DAG1: variants seen among roughly 807,000 people sequenced by gnomAD.
The protein encoded by DAG1 is dystroglycan 1 (dystrophin-associated glycoprotein 1).
A neutral mutation model predicts 46.1 loss-of-function variants in DAG1; 8 were observed. The observed-to-expected ratio is 0.17, with a 90% CI of 0.10 to 0.31. The LOEUF (loss-of-function observed/expected upper bound fraction) is 0.31. Ranked by LOEUF, DAG1 falls within the 10% of genes least tolerant of loss-of-function variation. The pLI is 1.00. For missense variants in DAG1, 1,003 were observed against 1,189.9 expected, an observed-to-expected ratio of 0.84 and a Z score of 2.31; for synonymous variants, 495 against 481.8, an observed-to-expected ratio of 1.03 and a Z score of -0.36.
chr3:49,524,998 T>G (rs2107815122), intron 2 of DAG1, among the ~76,000 whole-genome samples: 1 of 151,940 alleles, frequency 6.6e-6, no homozygotes, highest in East Asian at 1.9e-4. Context: ...TATATGTATA[T>G]AAAGAATCAT....
chr3:49,484,482 T>G (rs1010755930), intron 1 of DAG1, among the ~76,000 whole-genome samples: 1 of 152,126 alleles, frequency 6.6e-6, no homozygotes, highest in African/African-American at 2.4e-5. Flanking sequence ...ATGGTACCTC[T>G]GTTATTTTGG....
chr3:49,532,453 C>G lies in DAG1; in HGVS notation c.1942C>G (p.Gln648Glu), dbSNP rs1467658762. ...CCGAAACTGTAGCACCATCACCCTG[C>G]AGAATATCACCCGGGGCTCCATCGT... is the stretch of plus-strand genomic sequence containing the variant. ...GDRNCSTITL[Q>E]NITRGSIVVE... Residue 648 changes from glutamine (Q) to glutamate (E), a missense_variant, in exon 3 of 3, where the codon CAG becomes GAG. This residue lies in a region of DAG1 where 755 missense variants were observed against 854.1 expected (regional missense o/e 0.88). Transcript: ENST00000308775. This position sits in a 1 kb window ranked among gnomAD's most constrained non-coding sequence, Gnocchi z 5.4. 6.2e-7 allele frequency: 1 copy of G among 1,614,240 alleles called. No homozygotes were observed. The highest frequency in any genetic ancestry group is 1.1e-5 in the South Asian group (1 of 91,090).
At chr3:49,524,343 G>A (rs1413927253) in intron 2 of DAG1, among the ~76,000 whole-genome samples, 6 of 152,152 alleles carry the variant, frequency 3.9e-5, no homozygotes, top group African/African-American at 7.2e-5. Flanking sequence ...GGTTCCTTGT[G>A]GAAATTAGGT....
At position 49,527,414 on chromosome 3, in the gene DAG1, C is replaced by T. The variant is rs1334271251; in HGVS notation, c.286-3383C>T. Among the ~76,000 whole-genome samples, 5 of 150,954 alleles carry T rather than the reference C, an allele frequency of 3.3e-5. No individual in the cohort carries two copies. The East Asian group carries it at 6.0e-4, about 18-fold the overall frequency. On this transcript the variant is annotated intron_variant, in intron 2 of 2. Coordinates refer to ENST00000308775, the MANE Select transcript of DAG1 (RefSeq NM_004393.6). ...TGGCGGGCGCCTGTAGTCCCAGCTA[C>T]AGGAGAATGAGGCAGGAGAATGGCA...
chr3:49,532,258 G>A lies in DAG1; in HGVS notation c.1747G>A (p.Gly583Arg), dbSNP rs781334046. The change falls in exon 3 of 3, where the codon GGG becomes AGG. Residue 583 changes from glycine to arginine, a missense_variant. This residue lies in a region of DAG1 where 755 missense variants were observed against 854.1 expected (regional missense o/e 0.88). Transcript: ENST00000308775. This position sits in a 1 kb window ranked among gnomAD's most constrained non-coding sequence, Gnocchi z 5.4. The part of the protein sequence containing the change: ...HEYFMHATDK[G>R]GLSAVDAFEI... ...GTATTTCATGCATGCCACAGACAAG[G>A]GGGGCCTGTCGGCTGTGGATGCCTT... is the stretch of plus-strand genomic sequence containing the variant. 1.1e-5 allele frequency: 18 copies of A among 1,613,884 alleles called. No individual in the cohort carries two copies. In the East Asian group the frequency reaches 2.2e-4, roughly 20 times the overall value.
intron 1 of DAG1, chr3:49,487,206 G>A (rs189175138): frequency 4.6e-5 from 7 of 152,394 alleles, no homozygotes; most frequent in African/African-American, 1.7e-4. Flanking sequence ...TTTAATTATT[G>A]AGAATTTTGT....
chr3:49,530,767 A>G (rs1479954043), intron 2 of DAG1, 30 bp from the exon 3 acceptor site: 1 of 1,614,134 alleles, frequency 6.2e-7, no homozygotes, highest in East Asian at 2.2e-5. Flanking sequence ...TGACAATAGT[A>G]TTTTTAATTT....
intron 1 of DAG1, among the ~76,000 whole-genome samples, chr3:49,499,833 G>A (rs1203526818): frequency 2.0e-5 from 3 of 152,056 alleles, no homozygotes; most frequent in African/African-American, 7.2e-5. Flanking sequence ...ACTGTATAAT[G>A]TTTTTGATTT....
intron 1 of DAG1, among the ~76,000 whole-genome samples, chr3:49,509,797 C>T (rs943334307): frequency 2.0e-5 from 3 of 151,986 alleles, no homozygotes; most frequent in East Asian, 1.9e-4. Flanking sequence ...GGTGCAATCT[C>T]GGCTCACTGC....
chr3:49,510,413 T>C lies in DAG1; in HGVS notation c.-116-6T>C, dbSNP rs2050730516. 2.1e-6 allele frequency: 2 copies of C among 975,512 alleles called. No homozygotes were observed. The highest frequency in any genetic ancestry group is 3.2e-6 in the Non-Finnish European group (2 of 616,266). 60.4% of individuals were successfully genotyped at this position (975,512 alleles called of 1,614,324 possible). On this transcript the variant is annotated splice_region_variant and splice_polypyrimidine_tract_variant and intron_variant, in intron 1 of 2. Coordinates refer to ENST00000308775, the MANE Select transcript of DAG1 (RefSeq NM_004393.6). ...AAGTCTAAACCTGCTTTTCTTTTTT[T>C]TTCAGGCTCTGTGTGCTCCGGGATG...
In DAG1 at chr3:49,530,913, C is replaced by T. The variant is rs367603470; in HGVS notation, c.402C>T (p.Ser134=). 2.9e-5 allele frequency: 46 copies of T among 1,613,968 alleles called. No homozygotes were observed. The African/African-American group carries it at 4.1e-4, about 15-fold the overall frequency. Residue 134 remains serine, a synonymous_variant, in exon 3 of 3, where the codon AGC becomes AGT. Transcript: ENST00000308775. ...TDKGVHYISV[S]ATRLGANGSH... is the part of the protein sequence containing the mutation. ...AGGGTGTGCATTACATTTCAGTGAGCGCTACACGGCTGGGGGCCAACGGGA... is the reference window on the plus strand; with the variant it reads ...AGGGTGTGCATTACATTTCAGTGAGTGCTACACGGCTGGGGGCCAACGGGA...
chr3:49,517,348 C>G (rs761047209), intron 2 of DAG1, among the ~76,000 whole-genome samples: 8 of 152,116 alleles, frequency 5.3e-5, no homozygotes, highest in Non-Finnish European at 1.0e-4. Flanking sequence ...GGTAACTGAC[C>G]TGTGTTTATT....
rs372102352 is a variant in DAG1 at position 49,510,501 on chromosome 3, C to T, written c.-34C>T. ...CCAAGTCACTTGCTTCCTTACTTAGCAAGACTATCGACTTGAGCAAACTTG... is the reference window on the plus strand; with the variant it reads ...CCAAGTCACTTGCTTCCTTACTTAGTAAGACTATCGACTTGAGCAAACTTG... On this transcript the variant is annotated 5_prime_UTR_variant, in exon 2 of 3. Transcript: ENST00000308775. 1.1e-5 allele frequency: 18 copies of T among 1,607,604 alleles called. No individual in the cohort carries two copies. In the African/African-American group the frequency reaches 2.4e-4, roughly 21 times the overall value.
chr3:49,532,703 C>T lies in DAG1; in HGVS notation c.2192C>T (p.Ala731Val), dbSNP rs375071274. ...VVPPRRVPSE[A>V]PPTEVPDRDP... is the part of the protein sequence containing the mutation. ...CCACCCAGGAGAGTGCCCTCAGAGG[C>T]GCCGCCCACAGAAGTGCCTGACAGG... Residue 731 changes from alanine to valine, a missense_variant, in exon 3 of 3, where the codon GCG becomes GTG. By Grantham distance (64) the Ala-to-Val change is moderately conservative. This residue lies in a region of DAG1 where 755 missense variants were observed against 854.1 expected (regional missense o/e 0.88). Transcript: ENST00000308775. The surrounding 1 kb of genome is among the most constrained non-coding windows in gnomAD (Gnocchi z 5.4). The T allele has an allele frequency of 2.4e-4, 393 of 1,614,156 alleles. 6 individuals carry two copies. In the South Asian group the frequency reaches 3.4e-3, roughly 14 times the overall value.
intron 2 of DAG1, among the ~76,000 whole-genome samples, chr3:49,527,501 G>A (rs904766539): frequency 3.2e-5 from 4 of 123,592 alleles, no homozygotes; most frequent in Admixed American, 2.8e-4. Context: ...CGGCCTGGGC[G>A]AAAGAGCGAG....
At chr3:49,512,927 A>G (rs1360275912) in intron 2 of DAG1, among the ~76,000 whole-genome samples, 4 of 152,126 alleles carry the variant, frequency 2.6e-5, no homozygotes, top group African/African-American at 9.7e-5. Context: ...TGTGGCCTAC[A>G]TGTGAACTAA....
chr3:49,522,063 C>CTTGT (rs1294934519), intron 2 of DAG1, among the ~76,000 whole-genome samples: 1 of 149,218 alleles, frequency 6.7e-6, no homozygotes, highest in Admixed American at 6.8e-5. Flanking sequence ...AAGTCTCACT[C>CTTGT]TTGTCCCCCA....
intron 2 of DAG1, among the ~76,000 whole-genome samples, chr3:49,523,397 T>C (rs897990858): frequency 1.3e-5 from 2 of 152,090 alleles, no homozygotes; most frequent in African/African-American, 4.8e-5. Context: ...TGTTTTAGGT[T>C]GAAGAGGTGA....
chr3:49,494,563 A>G (rs2050262712), intron 1 of DAG1, among the ~76,000 whole-genome samples: 1 of 152,204 alleles, frequency 6.6e-6, no homozygotes, highest in African/African-American at 2.4e-5. Context: ...AAAAAATACC[A>G]GAAAGCTCAG....
Sources: gnomAD v4.1 joint callset for allele counts (sites outside exome capture counted in the v4.1 genomes callset) on GRCh38, gnomAD v4.1.1 for gene constraint, gnomAD v4.1.1 regional missense constraint, Gnocchi (gnomAD v3.1) non-coding constraint, MANE v1.5 for transcripts, NCBI Gene and HGNC (gene_info 2026-07-23, HGNC 2026-07-21) for gene names.